Variants in ARID5B observed in about 807,000 individuals in gnomAD.
ARID5B encodes the protein AT-rich interactive domain-containing protein 5B.
Under a neutral mutation model 97.2 loss-of-function variants are expected in ARID5B, and 13 were observed. That is an observed-to-expected ratio of 0.13 (90% CI 0.09 to 0.21). The LOEUF (loss-of-function observed/expected upper bound fraction) is 0.21. Among genes scored for constraint, ARID5B ranks in the 10% least tolerant of loss-of-function variants. ARID5B has a pLI of 1.00. For missense variants in ARID5B, 1,210 were observed against 1,465.3 expected (o/e 0.83, Z 2.84); for synonymous variants, 556 against 570.3 (o/e 0.97, Z 0.36).
At position 62,096,794 on chromosome 10, in the gene ARID5B, A is replaced by G. The variant is rs954817140; in HGVS notation, c.*3764A>G. ...GAAGAATGCTGAGCCAACTATAAACACTCAATTTTGTATGTTTTCCAAATT... is the reference window on the plus strand; with the variant it reads ...GAAGAATGCTGAGCCAACTATAAACGCTCAATTTTGTATGTTTTCCAAATT... On this transcript the variant is annotated 3_prime_UTR_variant, in exon 10 of 10. Coordinates refer to ENST00000279873, the MANE Select transcript of ARID5B (RefSeq NM_032199.3). The G allele has an allele frequency of 4.3e-6, 1 of 233,584 alleles. No homozygotes were observed. 14.5% of individuals were successfully genotyped at this position (233,584 alleles called of 1,614,324 possible). A position where few individuals can be genotyped will look rare whatever the true frequency, so the allele number is the denominator to read the frequency against.
intron 4 of ARID5B, among the ~76,000 whole-genome samples, chr10:62,040,209 A>G (rs1164306340): frequency 6.6e-6 from 1 of 152,140 alleles, no homozygotes; most frequent in African/African-American, 2.4e-5. Flanking sequence ...TTGACATCTT[A>G]GTTAAGAAAG....
intron 8 of ARID5B, among the ~76,000 whole-genome samples, chr10:62,079,373 AATAAT>A (rs1440240757): frequency 6.6e-6 from 1 of 152,206 alleles, no homozygotes; most frequent in Non-Finnish European, 1.5e-5. Flanking sequence ...AATGAGATAA[AATAAT>A]ATATCTGTAG....
At chr10:62,026,849 C>A (rs1364154404) in intron 4 of ARID5B, among the ~76,000 whole-genome samples, 1 of 152,124 alleles carries the variant, frequency 6.6e-6, no homozygotes, top group African/African-American at 2.4e-5. Context: ...TGCTCTATGT[C>A]CTTAATAAAG....
At chr10:62,045,605 C>T (rs977642571) in intron 4 of ARID5B, among the ~76,000 whole-genome samples, 3 of 152,038 alleles carry the variant, frequency 2.0e-5, no homozygotes, top group South Asian at 4.2e-4. Flanking sequence ...TGCACACCAC[C>T]ATGCCTGGCT....
intron 3 of ARID5B, among the ~76,000 whole-genome samples, chr10:61,947,257 CTTTCTTTTTTTTTTTTTT>C (rs1257005980): frequency 9.3e-5 from 10 of 107,374 alleles, no homozygotes; most frequent in Admixed American, 9.0e-4. Flanking sequence ...TTCTCACTTA[CTTTCTTTTTTTTTTTTTT>C]TTTTTTTTTT....
At chr10:61,938,641 T>C (rs1370823619) in intron 2 of ARID5B, among the ~76,000 whole-genome samples, 2 of 152,174 alleles carry the variant, frequency 1.3e-5, no homozygotes, top group African/African-American at 2.4e-5. Flanking sequence ...GGCCCCATTG[T>C]TTATAAAGTA....
At position 62,093,458 on chromosome 10, in the gene ARID5B, C is replaced by T; in HGVS notation, c.*428C>T. The T allele has an allele frequency of 4.0e-6, 1 of 251,536 alleles. No individual in the cohort carries two copies. The highest frequency in any genetic ancestry group is 7.7e-6 in the Non-Finnish European group (1 of 130,042). 15.6% of individuals were successfully genotyped at this position (251,536 alleles called of 1,614,324 possible). On this transcript the variant is annotated 3_prime_UTR_variant, in exon 10 of 10. Coordinates refer to ENST00000279873, the MANE Select transcript of ARID5B (RefSeq NM_032199.3). ...AGGGATGCCCCTCTTTTTCATAAAACTCTCCAAGGTTCAATCAATGCAATG... is the reference window on the plus strand; with the variant it reads ...AGGGATGCCCCTCTTTTTCATAAAATTCTCCAAGGTTCAATCAATGCAATG...
intron 4 of ARID5B, among the ~76,000 whole-genome samples, chr10:62,002,628 A>T (rs552576334): frequency 6.6e-6 from 1 of 152,176 alleles, no homozygotes; most frequent in Non-Finnish European, 1.5e-5. Context: ...TAAATCTCCA[A>T]CTGGTTGCAT....
intron 2 of ARID5B, among the ~76,000 whole-genome samples, chr10:61,929,069 G>A: frequency 6.6e-6 from 1 of 152,212 alleles, no homozygotes; most frequent in Non-Finnish European, 1.5e-5. Context: ...CAGGACACAA[G>A]CTGAAGTGGT....
intron 3 of ARID5B, among the ~76,000 whole-genome samples, chr10:61,996,349 C>T (rs116741360): frequency 1.0e-3 from 156 of 152,172 alleles, no homozygotes; most frequent in African/African-American, 3.6e-3. Flanking sequence ...AGTTAAATCT[C>T]TGTTATTATT....
At chr10:62,051,131 T>A in intron 5 of ARID5B, 131 bp downstream of exon 5, 1 of 795,406 alleles carries the variant, frequency 1.3e-6, no homozygotes, top group Non-Finnish European at 2.1e-6. Flanking sequence ...TCAGAGCTTT[T>A]GAAGCTCTAT....
At chr10:62,082,035 A>G (rs1365681175) in intron 8 of ARID5B, among the ~76,000 whole-genome samples, 1 of 152,038 alleles carries the variant, frequency 6.6e-6, no homozygotes, top group Non-Finnish European at 1.5e-5. Flanking sequence ...GGAGGGGAAA[A>G]AATCTTGCTT....
rs539001526 is a variant in ARID5B at position 62,057,117 on chromosome 10, G to T, written c.847G>T (p.Val283Leu). Reference protein sequence around the residue: ...NNSDGKAVAKVKCEARSALTK... With the variant: ...NNSDGKAVAKLKCEARSALTK... ...ATGTGGTATATTTTCCCTTTTCCAG[G>T]TGAAATGTGAGGCCAGGTCAGCCTT... Residue 283 changes from valine (V) to leucine (L), a missense_variant and splice_region_variant, in exon 6 of 10, where the codon GTG becomes TTG. Val to Leu is a conservative substitution (Grantham distance 32). Coordinates refer to ENST00000279873, the MANE Select transcript of ARID5B (RefSeq NM_032199.3). The T allele has an allele frequency of 4.3e-6, 7 of 1,613,392 alleles. No individual in the cohort carries two copies. The highest frequency in any genetic ancestry group is 3.3e-4 in the Middle Eastern group (2 of 6,056).
At chr10:62,064,720 C>A (rs1206153472) in intron 7 of ARID5B, among the ~76,000 whole-genome samples, 1 of 151,888 alleles carries the variant, frequency 6.6e-6, no homozygotes, top group Admixed American at 6.6e-5. Context: ...ACCTTTAAAA[C>A]GCTACCTGGG....
chr10:62,031,507 C>G (rs1366747444), intron 4 of ARID5B, among the ~76,000 whole-genome samples: 1 of 152,174 alleles, frequency 6.6e-6, no homozygotes, highest in African/African-American at 2.4e-5. Context: ...TGGACTGAGA[C>G]CACTTGGTAA....
At chr10:61,913,413 T>C (rs970061103) in intron 2 of ARID5B, among the ~76,000 whole-genome samples, 11 of 152,198 alleles carry the variant, frequency 7.2e-5, no homozygotes, top group African/African-American at 2.7e-4. Flanking sequence ...TAAAAGAGAC[T>C]GAGAAGAACA....
intron 8 of ARID5B, among the ~76,000 whole-genome samples, chr10:62,071,166 A>T (rs1197612480): frequency 2.6e-5 from 4 of 150,946 alleles, no homozygotes; most frequent in Non-Finnish European, 4.4e-5. Context: ...CTCCCAAGTA[A>T]CTGGGACTAC....
At chr10:61,970,983 GTGTGTGTGTA>G (rs1838618925) in intron 3 of ARID5B, among the ~76,000 whole-genome samples, 1 of 151,734 alleles carries the variant, frequency 6.6e-6, no homozygotes, top group Non-Finnish European at 1.5e-5. Context: ...GTGTGTGTGT[GTGTGTGTGTA>G]TGTGTGTATA....
chr10:61,927,169 T>C (rs1221730982), intron 2 of ARID5B, among the ~76,000 whole-genome samples: 3 of 152,134 alleles, frequency 2.0e-5, no homozygotes, highest in Non-Finnish European at 4.4e-5. Context: ...CATTTTCTGC[T>C]CAAGAGATAA....
Sources: gnomAD v4.1 joint callset for allele counts (sites outside exome capture counted in the v4.1 genomes callset) on GRCh38, gnomAD v4.1.1 for gene constraint, MANE v1.5 for transcripts, NCBI Gene and HGNC (gene_info 2026-07-23, HGNC 2026-07-21) for gene names.